Variants in ZNF346 observed in about 807,000 individuals in gnomAD.
The protein encoded by ZNF346 is zinc finger protein 346, also known as double-stranded RNA-binding zinc finger protein JAZ.
ZNF346 carries 23 observed loss-of-function variants against 33.7 expected under a neutral mutation model. That is an observed-to-expected ratio of 0.68 (90% confidence interval 0.49 to 0.97). The LOEUF is 0.97. Among genes scored for constraint, ZNF346 ranks in the 50% least tolerant of loss-of-function variants. ZNF346 has a pLI of 0.00. For synonymous variants in ZNF346, 134 were observed against 142.4 expected (o/e 0.94, Z 0.42); for missense variants, 340 against 371.1 (o/e 0.92, Z 0.69).
chr5:177,044,452 C>A lies in ZNF346; in HGVS notation c.436C>A (p.Pro146Thr). ...CPICNMTFSS[P>T]VVAQSHYLGK... Reference sequence around the variant, plus strand: ...CATCTGTAACATGACCTTTTCCTCCCCTGTCGTGGCCCAGTCGCACTACCT... The same window carrying A: ...CATCTGTAACATGACCTTTTCCTCCACTGTCGTGGCCCAGTCGCACTACCT... Residue 146 changes from proline to threonine, a missense_variant, in exon 4 of 7, where the codon CCT becomes ACT. Coordinates refer to ENST00000358149, the MANE Select transcript of ZNF346 (RefSeq NM_012279.4). 6.2e-7 allele frequency: 1 copy of A among 1,614,098 alleles called. No individual in the cohort carries two copies. Among genetic ancestry groups the A allele is most frequent in the Non-Finnish European group, 8.5e-7 (1 of 1,180,016 alleles).
intron 3 of ZNF346, among the ~76,000 whole-genome samples, chr5:177,043,649 T>C (rs373182844): frequency 6.6e-6 from 1 of 152,100 alleles, no homozygotes; most frequent in East Asian, 1.9e-4. Flanking sequence ...TCCTGTAGTC[T>C]GGCTACTTGC....
intron 6 of ZNF346, among the ~76,000 whole-genome samples, chr5:177,062,490 G>C (rs1782672563): frequency 6.6e-6 from 1 of 152,050 alleles, no homozygotes; most frequent in Non-Finnish European, 1.5e-5. Context: ...TTTCTGGCAG[G>C]AGTTCCCTCT....
intron 8 of ZNF346, among the ~76,000 whole-genome samples, chr5:177,074,363 C>A (rs1404620033): frequency 1.3e-5 from 2 of 151,892 alleles, no homozygotes; most frequent in South Asian, 2.1e-4. Flanking sequence ...GTGGGAATGT[C>A]TCGAGCCCAG....
intron 6 of ZNF346, among the ~76,000 whole-genome samples, chr5:177,062,424 GT>G (rs920009091): frequency 6.6e-6 from 1 of 152,196 alleles, no homozygotes; most frequent in African/African-American, 2.4e-5. Context: ...GGCTGTCCTA[GT>G]CTGTAGCACT....
chr5:177,044,275 T>G (rs1581864308), intron 3 of ZNF346, 114 bp from the exon 4 acceptor site: 1 of 1,174,478 alleles, frequency 8.5e-7, no homozygotes, highest in Non-Finnish European at 1.2e-6. Flanking sequence ...TAGGTTGGGG[T>G]TAATGTGTGA....
chr5:177,068,272 C>T (rs1023802777), downstream of ZNF346, among the ~76,000 whole-genome samples: 7 of 144,100 alleles, frequency 4.9e-5, no homozygotes, highest in Non-Finnish European at 5.9e-5. Context: ...TTTGTCCATT[C>T]CCATGATCCC....
chr5:177,041,136 G>C lies in ZNF346; in HGVS notation c.186G>C (p.Met62Ile). Residue 62 changes from methionine (M) to isoleucine (I), a missense_variant, in exon 2 of 7, where the codon ATG becomes ATC. Coordinates refer to ENST00000358149, the MANE Select transcript of ZNF346 (RefSeq NM_012279.4). ...TTTTCCCCTCTATAGTGGAGCACAT[G>C]ATCCAGAAGAACCAATGTCTCTTCA... ...QPVGREEVEH[M>I]IQKNQCLFTN... 1.2e-6 allele frequency: 2 copies of C among 1,613,898 alleles called. No individual in the cohort carries two copies. Among genetic ancestry groups the C allele is most frequent in the South Asian group, 2.2e-5 (2 of 91,082 alleles).
intron 1 of ZNF346, among the ~76,000 whole-genome samples, chr5:177,031,463 GT>G (rs1777682150): frequency 2.6e-5 from 4 of 152,154 alleles, no homozygotes; most frequent in African/African-American, 9.7e-5. Flanking sequence ...ATAAGAAGTT[GT>G]CATTAATTGA....
intron 5 of ZNF346, 59 bp downstream of exon 5, chr5:177,050,995 G>A (rs1007864763): frequency 4.9e-5 from 67 of 1,374,092 alleles, no homozygotes; most frequent in East Asian, 2.3e-4. Context: ...GGGGCTACCC[G>A]GACCAGCTGA....
intron 8 of ZNF346, among the ~76,000 whole-genome samples, chr5:177,076,962 AC>A (rs1783780721): frequency 6.6e-6 from 1 of 152,048 alleles, no homozygotes; most frequent in African/African-American, 2.4e-5. Context: ...AATCGCTTGA[AC>A]CCAGGAGGCG....
At chr5:177,069,851 G>A (rs1783419916), downstream of ZNF346, among the ~76,000 whole-genome samples, 1 of 151,862 alleles carries the variant, frequency 6.6e-6, no homozygotes, top group South Asian at 2.1e-4. Context: ...TTGTAGGGAT[G>A]GCGTCTCACC....
chr5:177,022,736 A>G lies in ZNF346; in HGVS notation c.-3A>G. The G allele has an allele frequency of 1.3e-6, 2 of 1,549,938 alleles. No individual in the cohort carries two copies. Among genetic ancestry groups the G allele is most frequent in the East Asian group, 2.5e-5 (1 of 39,960 alleles). On this transcript the variant is annotated 5_prime_UTR_variant, in exon 1 of 7. Coordinates refer to ENST00000358149, the MANE Select transcript of ZNF346 (RefSeq NM_012279.4). ...TCTCTACCGGTGAGGGTTTGCGGGG[A>G]AGATGGAGTATCCCGCGCCGGCCAC...
chr5:177,037,788 G>A (rs1778711188), intron 1 of ZNF346, among the ~76,000 whole-genome samples: 2 of 151,966 alleles, frequency 1.3e-5, no homozygotes, highest in African/African-American at 4.8e-5. Flanking sequence ...TCTTTTCAAG[G>A]GCAAACCAGA....
rs1047335969 is a variant in ZNF346, at chr5:177,058,212, C to T, written c.704-3846C>T. ...AAAAATAGCTGGGCGCGGTGGCTCACGCCTGTAATTCCAGCACTTTGGGAG... is the reference window on the plus strand; with the variant it reads ...AAAAATAGCTGGGCGCGGTGGCTCATGCCTGTAATTCCAGCACTTTGGGAG... On this transcript the variant is annotated intron_variant, in intron 5 of 6. Transcript: ENST00000358149. 6.6e-5 allele frequency among the ~76,000 whole-genome samples: 10 copies of T among 151,414 alleles called. No individual in the cohort carries two copies. The South Asian group carries it at 1.7e-3, about 25-fold the overall frequency.
chr5:177,071,370 A>C (rs1468993711), downstream of ZNF346, among the ~76,000 whole-genome samples: 1 of 151,598 alleles, frequency 6.6e-6, no homozygotes, highest in Non-Finnish European at 1.5e-5. Flanking sequence ...GCCTCTTAAA[A>C]AAAAAAAAAA....
chr5:177,076,017 G>A (rs755557869), intron 8 of ZNF346, among the ~76,000 whole-genome samples: 34 of 151,878 alleles, frequency 2.2e-4, no homozygotes, highest in Non-Finnish European at 3.4e-4. Context: ...GTCTCACTCC[G>A]TTGCCCAGGC....
rs1374127163 is a variant in ZNF346, at chr5:177,067,924, G to A, written c.*3325G>A. Among the ~76,000 whole-genome samples the A allele has an allele frequency of 6.6e-6, 1 of 152,112 alleles. No individual in the cohort carries two copies. ...GTTTAAGACCATCCTGGCCAACGTG[G>A]TGAAATCCCATCTCTACAAAAAATA... On this transcript the variant is annotated 3_prime_UTR_variant, in exon 7 of 7. Coordinates refer to ENST00000358149, the MANE Select transcript of ZNF346 (RefSeq NM_012279.4).
intron 1 of ZNF346, among the ~76,000 whole-genome samples, chr5:177,032,013 T>C (rs1414174888): frequency 2.1e-5 from 3 of 143,154 alleles, no homozygotes; most frequent in Middle Eastern, 3.2e-3. Context: ...TTTTTTTTTT[T>C]TTTTTTTTTT....
intron 5 of ZNF346, among the ~76,000 whole-genome samples, chr5:177,058,532 G>A (rs1009603761): frequency 5.3e-5 from 8 of 152,228 alleles, no homozygotes; most frequent in Non-Finnish European, 8.8e-5. Context: ...ATCCCCTTTT[G>A]ATAGGAATAT....
Sources: gnomAD v4.1 joint callset for allele counts (sites outside exome capture counted in the v4.1 genomes callset) on GRCh38, gnomAD v4.1.1 for gene constraint, MANE v1.5 for transcripts, NCBI Gene and HGNC (gene_info 2026-07-23, HGNC 2026-07-21) for gene names.